Variants in RNH1 observed in about 807,000 individuals in gnomAD.
RNH1 encodes ribonuclease inhibitor.
RNH1 carries 38 observed loss-of-function variants against 46.1 expected under a neutral mutation model. That is an observed-to-expected ratio of 0.82 (90% CI 0.64 to 1.08). RNH1 has a LOEUF of 1.08. Among genes scored for constraint, RNH1 ranks in the 50% least tolerant of loss-of-function variants. The pLI is 0.00. For synonymous variants in RNH1, 319 were observed against 279.1 expected (o/e 1.14, Z -1.43); for missense variants, 577 against 590.7 (o/e 0.98, Z 0.24).
Position 501,374 on chromosome 11 carries a change from C to T in RNH1, c.101+688G>A, listed in dbSNP as rs959304031. ...TCAGACCACCAAGAACCCAGAGAGA[C>T]GAGGGGACAGTCACAGACGGGAGAG... On this transcript the variant is annotated intron_variant, in intron 3 of 10. Transcript: ENST00000354420. This position sits in a 1 kb window ranked among gnomAD's most constrained non-coding sequence, Gnocchi z 4.1. 9.8e-5 allele frequency: 16 copies of T among 162,990 alleles called. No individual in the cohort carries two copies. Among genetic ancestry groups the T allele is most frequent in the African/African-American group, 2.9e-4 (12 of 41,350 alleles). 10.1% of individuals were successfully genotyped at this position (162,990 alleles called of 1,614,324 possible).
Position 498,534 on chromosome 11 carries a change from G to C in RNH1, c.879C>G (p.Gly293=). ...KESLKELSLA[G]NELGDEGARL... ...GGGCACCCTCATCCCCCAGCTCGTT[G>C]CCGGCCAGGCTGAGCTCCTTCAGGC... is the stretch of plus-strand genomic sequence containing the variant. The change falls in exon 8 of 11, where the codon GGC becomes GGG. Residue 293 remains glycine (G), a synonymous_variant. Coordinates refer to ENST00000354420, the MANE Select transcript of RNH1 (RefSeq NM_203387.3). The C allele has an allele frequency of 6.2e-7, 1 of 1,613,238 alleles. No individual in the cohort carries two copies. Among genetic ancestry groups the C allele is most frequent in the Non-Finnish European group, 8.5e-7 (1 of 1,180,020 alleles).
intron 7 of RNH1, 35 bp downstream of exon 7, chr11:498,728 C>A (rs756999715): frequency 6.3e-7 from 1 of 1,590,046 alleles, no homozygotes; most frequent in Non-Finnish European, 8.5e-7. Context: ...CGCCGCCCGA[C>A]CCTCCGGGAA....
intron 9 of RNH1, among the ~76,000 whole-genome samples, chr11:495,373 G>A (rs1292718314): frequency 3.3e-5 from 5 of 152,232 alleles, no homozygotes; most frequent in Non-Finnish European, 7.3e-5. Flanking sequence ...CCGTCTGGCT[G>A]CGTGGGCTTC....
rs190559764 is a variant in RNH1 at position 501,958 on chromosome 11, T to A, written c.101+104A>T. 1 of 697,118 alleles carries A rather than the reference T, an allele frequency of 1.4e-6. No homozygotes were observed. Among genetic ancestry groups the A allele is most frequent in the Non-Finnish European group, 2.5e-6 (1 of 396,020 alleles). 43.2% of individuals were successfully genotyped at this position (697,118 alleles called of 1,614,324 possible). On this transcript the variant is annotated intron_variant, in intron 3 of 10. Transcript: ENST00000354420. The surrounding 1 kb of genome is among the most constrained non-coding windows in gnomAD (Gnocchi z 4.1). ...GTAGCTGCACAGAATTCATACTTCA[T>A]GTCCACAAACAAGGCGTTCCAGAGC...
At chr11:500,926 C>T (rs1042082691) in intron 3 of RNH1, 2 of 527,124 alleles carry the variant, frequency 3.8e-6, no homozygotes, top group Non-Finnish European at 7.0e-6. Context: ...GTCGGGAGTT[C>T]AAGACCAACC....
Position 501,262 on chromosome 11 carries a change from T to G in RNH1, c.102-608A>C. Reference sequence around the variant, plus strand: ...GCAGGCCCCACGGCATCTCCCTGCATTCCTGCCAAAACTGTAGGACTTCAA... The same window carrying G: ...GCAGGCCCCACGGCATCTCCCTGCAGTCCTGCCAAAACTGTAGGACTTCAA... On this transcript the variant is annotated intron_variant, in intron 3 of 10. Transcript: ENST00000354420. This position sits in a 1 kb window ranked among gnomAD's most constrained non-coding sequence, Gnocchi z 4.1. 5.2e-6 allele frequency: 1 copy of G among 193,030 alleles called. No individual in the cohort carries two copies. 12.0% of individuals were successfully genotyped at this position (193,030 alleles called of 1,614,324 possible).
At chr11:496,957 T>G (rs76159939) in intron 9 of RNH1, among the ~76,000 whole-genome samples, 2 of 152,278 alleles carry the variant, frequency 1.3e-5, no homozygotes, top group Non-Finnish European at 2.9e-5. Flanking sequence ...TCATGAAACA[T>G]GACCTCTGAC....
rs923720516 is a variant in RNH1, at chr11:501,404, A to C, written c.101+658T>G. 1 of 162,116 alleles carries C rather than the reference A, an allele frequency of 6.2e-6. No homozygotes were observed. The highest frequency in any genetic ancestry group is 2.4e-5 in the African/African-American group (1 of 41,416). 10.0% of individuals were successfully genotyped at this position (162,116 alleles called of 1,614,324 possible). A position where few individuals can be genotyped will look rare whatever the true frequency, so the allele number is the denominator to read the frequency against. On this transcript the variant is annotated intron_variant, in intron 3 of 10. Coordinates refer to ENST00000354420, the MANE Select transcript of RNH1 (RefSeq NM_203387.3). The surrounding 1 kb of genome is among the most constrained non-coding windows in gnomAD (Gnocchi z 4.1). ...GGACAGTCACAGACGGGAGAGGGCTAAGGAGACAGAGGGCTGAGGGCCACG... is the reference window on the plus strand; with the variant it reads ...GGACAGTCACAGACGGGAGAGGGCTCAGGAGACAGAGGGCTGAGGGCCACG...
intron 1 of RNH1, 132 bp from the exon 2 acceptor site, chr11:505,128 C>T (rs1850152375): frequency 6.6e-6 from 1 of 152,072 alleles, no homozygotes; most frequent in African/African-American, 2.4e-5. Flanking sequence ...AACCAAACTG[C>T]CCCAACCACC....
chr11:505,489 G>T (rs1850188482), intron 1 of RNH1: 1 of 152,210 alleles, frequency 6.6e-6, no homozygotes, highest in Admixed American at 6.5e-5. Flanking sequence ...AAAAGAAGCA[G>T]ATTCTCCTTG....
chr11:500,999 A>G (rs1849699892), intron 3 of RNH1: 1 of 384,814 alleles, frequency 2.6e-6, no homozygotes, highest in African/African-American at 2.1e-5. Flanking sequence ...GTGGTGGCGC[A>G]TGCCCATAAT....
In RNH1 at chr11:497,848, ATG is replaced by A. The variant is rs1374732367; in HGVS notation, c.1127+121_1127+122del. 14 of 1,195,566 alleles carry A rather than the reference ATG, an allele frequency of 1.2e-5. No individual in the cohort carries two copies. The African/African-American group carries it at 2.1e-4, about 18-fold the overall frequency. The allele number at this position is 1,195,566 out of a possible 1,614,324, so 74.1% of individuals were successfully genotyped here. A position where few individuals can be genotyped will look rare whatever the true frequency, so the allele number is the denominator to read the frequency against. ...ACACGTGCTCACACTCGCCTCACCCATGTGTGCTCACATACACACGGACACTC... is the reference window on the plus strand; with the variant it reads ...ACACGTGCTCACACTCGCCTCACCCATGTGCTCACATACACACGGACACTC... On this transcript the variant is annotated intron_variant, in intron 9 of 10. Transcript: ENST00000354420.
At chr11:497,475 C>A (rs1473470027) in intron 9 of RNH1, among the ~76,000 whole-genome samples, 1 of 138,678 alleles carries the variant, frequency 7.2e-6, no homozygotes, top group Non-Finnish European at 1.5e-5. Context: ...TCCCTCTCGC[C>A]CATGTGCTCA....
chr11:497,901 C>T, intron 9 of RNH1, 70 bp downstream of exon 9: 1 of 1,537,728 alleles, frequency 6.5e-7, no homozygotes. Context: ...CTCGTGCACT[C>T]TCGCCCTTGT....
At position 501,013 on chromosome 11, in the gene RNH1, A is replaced by C. The variant is rs1025659789; in HGVS notation, c.102-359T>G. 11 of 373,484 alleles carry C rather than the reference A, an allele frequency of 2.9e-5. No individual in the cohort carries two copies. Among genetic ancestry groups the C allele is most frequent in the Non-Finnish European group, 5.2e-5 (10 of 192,396 alleles). The allele number at this position is 373,484 out of a possible 1,614,324, so 23.1% of individuals were successfully genotyped here. The stretch of plus-strand genomic sequence containing the variant: ...CGTGGTGGCGCATGCCCATAATCCC[A>C]GCTACTCGGGAGGCTGAGGCAGGAG... On this transcript the variant is annotated intron_variant, in intron 3 of 10. Coordinates refer to ENST00000354420, the MANE Select transcript of RNH1 (RefSeq NM_203387.3). The surrounding 1 kb of genome is among the most constrained non-coding windows in gnomAD (Gnocchi z 4.1).
Position 501,115 on chromosome 11 carries a change from C to T in RNH1, c.102-461G>A. The T allele has an allele frequency of 3.3e-6, 1 of 305,234 alleles. No homozygotes were observed. Among genetic ancestry groups the T allele is most frequent in the South Asian group, 2.9e-5 (1 of 34,608 alleles). The allele number at this position is 305,234 out of a possible 1,614,324, so 18.9% of individuals were successfully genotyped here. ...CCAGCCTGGGTGACAGAGCAATGCC[C>T]TGTCTCTAAAAATAAAAAGAATTTA... On this transcript the variant is annotated intron_variant, in intron 3 of 10. Transcript: ENST00000354420. This position sits in a 1 kb window ranked among gnomAD's most constrained non-coding sequence, Gnocchi z 4.1.
intron 9 of RNH1, among the ~76,000 whole-genome samples, chr11:496,896 A>G (rs1849121083): frequency 6.6e-6 from 1 of 152,280 alleles, no homozygotes; most frequent in African/African-American, 2.4e-5. Context: ...TTCCAGGAAG[A>G]TGGACCACAG....
chr11:507,031 G>A (rs1363857172), intron 1 of RNH1, 82 bp downstream of exon 1: 1 of 152,256 alleles, frequency 6.6e-6, no homozygotes, highest in Non-Finnish European at 1.5e-5. Context: ...AATAGCGCCA[G>A]GCCCGCGTCT....
Position 494,540 on chromosome 11 carries a change from TA to T in RNH1, c.*150del. On this transcript the variant is annotated 3_prime_UTR_variant, in exon 11 of 11. Coordinates refer to ENST00000354420, the MANE Select transcript of RNH1 (RefSeq NM_203387.3). ...TGCCAAGAAAGTGCTTTAATGATTA[TA>T]AAGTGTCCAAAATATACTGGCAGAA... The T allele has an allele frequency of 1.4e-6, 1 of 729,938 alleles. No homozygotes were observed. Among genetic ancestry groups the T allele is most frequent in the Non-Finnish European group, 2.4e-6 (1 of 425,372 alleles). The allele number at this position is 729,938 out of a possible 1,614,324, so 45.2% of individuals were successfully genotyped here.
Sources: allele counts gnomAD v4.1 joint callset (sites outside exome capture counted in the v4.1 genomes callset), GRCh38; gene constraint gnomAD v4.1.1; non-coding constraint Gnocchi (gnomAD v3.1); transcripts MANE v1.5; gene names NCBI Gene and HGNC (gene_info 2026-07-23, HGNC 2026-07-21).